The following ARNT2 variants were observed in gnomAD, a reference collection of about 807,000 sequenced individuals.
ARNT2 encodes the protein aryl hydrocarbon receptor nuclear translocator 2.
Under a neutral mutation model 91.7 loss-of-function variants are expected in ARNT2, and 36 were observed. That is an observed-to-expected ratio of 0.39 (90% CI 0.30 to 0.52). The LOEUF (loss-of-function observed/expected upper bound fraction) is 0.52, where lower values mean the gene tolerates loss of function less well. Among genes scored for constraint, ARNT2 ranks in the 20% least tolerant of loss-of-function variants. The pLI is 0.72. For synonymous variants in ARNT2, 365 were observed against 347.1 expected (o/e 1.05, Z -0.57); for missense variants, 775 against 939.3 (o/e 0.83, Z 2.29).
intron 1 of ARNT2, among the ~76,000 whole-genome samples, chr15:80,418,580 G>A (rs1345829223): frequency 2.6e-5 from 4 of 152,232 alleles, no homozygotes; most frequent in African/African-American, 7.2e-5. Context: ...TCCAAGGACT[G>A]TTCTTCCTCT....
chr15:80,447,299 G>T (rs1453925879), intron 1 of ARNT2, among the ~76,000 whole-genome samples: 2 of 152,138 alleles, frequency 1.3e-5, no homozygotes, highest in Admixed American at 6.5e-5. Flanking sequence ...ACAGACTGCT[G>T]AGCTCTCCTC....
chr15:80,501,775 C>T (rs1897198364), intron 5 of ARNT2, among the ~76,000 whole-genome samples: 2 of 151,958 alleles, frequency 1.3e-5, no homozygotes, highest in Admixed American at 1.3e-4. Context: ...CATAACCCTT[C>T]AAAGTAGGAA....
chr15:80,556,849 T>G (rs1285005570), intron 11 of ARNT2: 1 of 152,168 alleles, frequency 6.6e-6, no homozygotes, highest in Non-Finnish European at 1.5e-5. Context: ...TGGAGGAGTT[T>G]CAGCTTCCTG....
chr15:80,495,851 T>G (rs79518545), intron 5 of ARNT2, among the ~76,000 whole-genome samples: 5 of 152,128 alleles, frequency 3.3e-5, no homozygotes, highest in Admixed American at 3.3e-4. Flanking sequence ...GGGCATCCTA[T>G]CCCTTGCAGC....
intron 1 of ARNT2, among the ~76,000 whole-genome samples, chr15:80,415,199 C>T (rs1895760142): frequency 6.6e-6 from 1 of 152,248 alleles, no homozygotes; most frequent in African/African-American, 2.4e-5. Flanking sequence ...CTGCAAAGCC[C>T]ACCGCTCCCA....
chr15:80,572,447 C>T (rs1898600868), intron 12 of ARNT2, among the ~76,000 whole-genome samples: 2 of 151,872 alleles, frequency 1.3e-5, no homozygotes, highest in Non-Finnish European at 2.9e-5. Flanking sequence ...TGCTCCTCCC[C>T]ACCAGCCACT....
At chr15:80,514,283 A>G (rs1330021460) in intron 7 of ARNT2, 37 bp from the exon 8 acceptor site, 82 of 1,604,574 alleles carry the variant, frequency 5.1e-5, no homozygotes, top group Non-Finnish European at 6.7e-5. Flanking sequence ...CCTCACCCTC[A>G]TGTGATGAAA....
At chr15:80,518,691 T>C (rs1595995175) in intron 8 of ARNT2, among the ~76,000 whole-genome samples, 1 of 152,158 alleles carries the variant, frequency 6.6e-6, no homozygotes, top group East Asian at 1.9e-4. Context: ...ATCTTATGAT[T>C]AAACCTCATG....
chr15:80,456,277 CTT>C (rs5814025), intron 2 of ARNT2, among the ~76,000 whole-genome samples: 23 of 150,144 alleles, frequency 1.5e-4, no homozygotes, highest in Admixed American at 2.6e-4. Flanking sequence ...TTTAACTGTA[CTT>C]TTTTTTTTTC....
At chr15:80,559,361 C>CT (rs1280811137) in intron 11 of ARNT2, among the ~76,000 whole-genome samples, 1 of 151,240 alleles carries the variant, frequency 6.6e-6, no homozygotes, top group Non-Finnish European at 1.5e-5. Flanking sequence ...CCACAGGGCA[C>CT]TGTGGGCAGC....
intron 5 of ARNT2, among the ~76,000 whole-genome samples, chr15:80,498,365 T>G (rs1897147624): frequency 6.6e-6 from 1 of 152,174 alleles, no homozygotes. Context: ...CTCCTTGGTG[T>G]GGGATTCATC....
intron 12 of ARNT2, among the ~76,000 whole-genome samples, chr15:80,569,754 T>C (rs4778609): frequency 0.08 from 12,164 of 152,306 alleles, 1,484 homozygotes; most frequent in African/African-American, 0.26. Flanking sequence ...TATCACAGCC[T>C]TTATCCACAT....
intron 14 of ARNT2, among the ~76,000 whole-genome samples, chr15:80,575,816 T>C (rs1898663962): frequency 6.6e-6 from 1 of 152,118 alleles, no homozygotes; most frequent in South Asian, 2.1e-4. Flanking sequence ...ACCTGCTGGG[T>C]GAGGGTGGCC....
intron 5 of ARNT2, among the ~76,000 whole-genome samples, chr15:80,496,749 C>G (rs925156683): frequency 3.9e-5 from 6 of 152,160 alleles, no homozygotes; most frequent in Admixed American, 2.0e-4. Flanking sequence ...AAGGAAAATG[C>G]TTTGTTAGGC....
chr15:80,443,528 C>G (rs1022624950), intron 1 of ARNT2, among the ~76,000 whole-genome samples: 2 of 151,924 alleles, frequency 1.3e-5, no homozygotes, highest in African/African-American at 4.8e-5. Flanking sequence ...GCAGGGCTTG[C>G]TATTGGATTG....
At chr15:80,459,721 T>A (rs1415361250) in intron 3 of ARNT2, among the ~76,000 whole-genome samples, 1 of 152,206 alleles carries the variant, frequency 6.6e-6, no homozygotes, top group African/African-American at 2.4e-5. Flanking sequence ...ACCGTGTCTG[T>A]GAGTCCGTTT....
At chr15:80,520,763 CTG>C (rs1452311189) in intron 8 of ARNT2, among the ~76,000 whole-genome samples, 3 of 152,072 alleles carry the variant, frequency 2.0e-5, no homozygotes, top group African/African-American at 7.2e-5. Context: ...GGAAAAAAAT[CTG>C]TGTTTGGATA....
intron 5 of ARNT2, among the ~76,000 whole-genome samples, chr15:80,499,363 A>G (rs975583067): frequency 2.6e-5 from 4 of 152,202 alleles, no homozygotes; most frequent in African/African-American, 9.7e-5. Flanking sequence ...CCCTTAGTAG[A>G]GTCCTCAGTG....
chr15:80,429,101 G>A lies in ARNT2; in HGVS notation c.32-21779G>A, dbSNP rs942083323. On this transcript the variant is annotated intron_variant, in intron 1 of 18. Transcript: ENST00000303329. ...TTGAAGTTCCCGACTGTGATAATAA[G>A]AAATATATATTTGGTCTTCACCTGT... Among the ~76,000 whole-genome samples the A allele has an allele frequency of 7.2e-5, 11 of 152,270 alleles. No individual in the cohort carries two copies. The East Asian group carries it at 2.1e-3, about 29-fold the overall frequency.
Sources: allele counts gnomAD v4.1 joint callset (sites outside exome capture counted in the v4.1 genomes callset), GRCh38; gene constraint gnomAD v4.1.1; transcripts MANE v1.5; gene names NCBI Gene and HGNC (gene_info 2026-07-23, HGNC 2026-07-21).